The following CDH4 variants were observed in gnomAD, a reference collection of about 807,000 sequenced individuals.
The protein encoded by CDH4 is cadherin 4, also known as cadherin-4.
A neutral mutation model predicts 86.0 loss-of-function variants in CDH4; 33 were observed. The ratio of observed to expected loss-of-function variants is 0.38; its 90% CI spans 0.29 to 0.51. CDH4 has a LOEUF of 0.51. CDH4 is among the 20% of genes least tolerant of loss of function. CDH4 has a pLI of 0.86. For missense variants in CDH4, 1,114 were observed against 1,307.4 expected, an observed-to-expected ratio of 0.85 and a Z score of 2.28; for synonymous variants, 555 against 549.4, an observed-to-expected ratio of 1.01 and a Z score of -0.14.
intron 2 of CDH4, among the ~76,000 whole-genome samples, chr20:61,739,500 G>A (rs533175659): frequency 2.3e-4 from 35 of 152,218 alleles, no homozygotes; most frequent in Middle Eastern, 3.2e-3. Flanking sequence ...TGTGAGGGGA[G>A]GGGTAGGGCA....
chr20:61,431,036 C>T (rs1365256689), intron 2 of CDH4, among the ~76,000 whole-genome samples: 3 of 152,224 alleles, frequency 2.0e-5, no homozygotes, highest in Admixed American at 2.0e-4. Flanking sequence ...GATCCAGAGA[C>T]TGTGTTGCTG....
intron 2 of CDH4, among the ~76,000 whole-genome samples, chr20:61,486,631 C>T (rs949702130): frequency 3.3e-5 from 5 of 152,174 alleles, no homozygotes; most frequent in Non-Finnish European, 5.9e-5. Flanking sequence ...TGGCTCATGC[C>T]TGTAATCCCA....
chr20:61,645,445 A>G (rs971044814), intron 2 of CDH4, among the ~76,000 whole-genome samples: 1 of 152,140 alleles, frequency 6.6e-6, no homozygotes, highest in Non-Finnish European at 1.5e-5. Flanking sequence ...GAGGCAACAC[A>G]GTAAGACTTC....
chr20:61,931,544 G>A (rs1007699853), intron 13 of CDH4, among the ~76,000 whole-genome samples: 5 of 152,222 alleles, frequency 3.3e-5, no homozygotes, highest in Admixed American at 1.3e-4. Flanking sequence ...CACCCTCTGC[G>A]GTACATAAGA....
chr20:61,619,920 C>T (rs1269464086), intron 2 of CDH4, among the ~76,000 whole-genome samples: 1 of 152,194 alleles, frequency 6.6e-6, no homozygotes, highest in East Asian at 1.9e-4. Flanking sequence ...CAGGCACATC[C>T]GAGCCAAGCA....
In CDH4 at chr20:61,928,175, G is replaced by GT. The variant is rs1307217880; in HGVS notation, c.1772-14dup. ...CCAGGAGTGGCCCGTGTGGTGACCT[G>GT]TGTCTGTTCCACAGGGATACCCCCG... On this transcript the variant is annotated splice_polypyrimidine_tract_variant and intron_variant, in intron 11 of 15. Transcript: ENST00000614565. 5.0e-6 allele frequency: 8 copies of GT among 1,594,504 alleles called. No homozygotes were observed. The highest frequency in any genetic ancestry group is 6.8e-6 in the Non-Finnish European group (8 of 1,175,650).
In CDH4 at chr20:61,516,042, C is replaced by A. The variant is rs902893031; in HGVS notation, c.170-227521C>A. ...CTTCCCCTGGGCTCTGGAACGCCCCCCCAATACGATTCCACCGCAGGCAGG... is the reference window on the plus strand; with the variant it reads ...CTTCCCCTGGGCTCTGGAACGCCCCACCAATACGATTCCACCGCAGGCAGG... On this transcript the variant is annotated intron_variant, in intron 2 of 15. Transcript: ENST00000614565. This position sits in a 1 kb window ranked among gnomAD's most constrained non-coding sequence, Gnocchi z 4.0. Among the ~76,000 whole-genome samples the A allele has an allele frequency of 6.6e-6, 1 of 152,144 alleles. No individual in the cohort carries two copies. The highest frequency in any genetic ancestry group is 2.4e-5 in the African/African-American group (1 of 41,422).
intron 2 of CDH4, among the ~76,000 whole-genome samples, chr20:61,666,389 C>T (rs572924640): frequency 1.3e-5 from 2 of 152,338 alleles, no homozygotes; most frequent in South Asian, 4.1e-4. Flanking sequence ...TGCGTCCCTG[C>T]AGCCCGAAGA....
At chr20:61,293,277 G>A (rs1180031541) in intron 2 of CDH4, among the ~76,000 whole-genome samples, 1 of 152,204 alleles carries the variant, frequency 6.6e-6, no homozygotes, top group Non-Finnish European at 1.5e-5. Context: ...GGATGAGGGT[G>A]GATGAGAGTG....
chr20:61,348,841 G>A (rs1391433961), intron 2 of CDH4, among the ~76,000 whole-genome samples: 1 of 152,148 alleles, frequency 6.6e-6, no homozygotes, highest in Non-Finnish European at 1.5e-5. Flanking sequence ...AAGTATGGAA[G>A]AGAAAGCCAT....
chr20:61,315,155 T>C (rs566474382), intron 2 of CDH4, among the ~76,000 whole-genome samples: 113 of 152,272 alleles, frequency 7.4e-4, no homozygotes, highest in Middle Eastern at 3.4e-3. Flanking sequence ...GGGACCGGCC[T>C]CATCCTGAAG....
In CDH4 at chr20:61,329,431, G is replaced by A. The variant is rs74211388; in HGVS notation, c.169+74494G>A. 8.8e-3 allele frequency among the ~76,000 whole-genome samples: 659 copies of A among 74,840 alleles called. 16 individuals are homozygous for A. Among genetic ancestry groups the A allele is most frequent in the Middle Eastern group, 0.028 (4 of 142 alleles). The allele number at this position is 74,840 out of a possible 152,430, so 49.1% of individuals were successfully genotyped here. A position where few individuals can be genotyped will look rare whatever the true frequency, so the allele number is the denominator to read the frequency against. ...TGCAGCGTGCGTGGAGGGCACCCAGGTCCTCATGGTCCCCCGTGGGTCTGG... is the reference window on the plus strand; with the variant it reads ...TGCAGCGTGCGTGGAGGGCACCCAGATCCTCATGGTCCCCCGTGGGTCTGG... On this transcript the variant is annotated intron_variant, in intron 2 of 15. Coordinates refer to ENST00000614565, the MANE Select transcript of CDH4 (RefSeq NM_001794.5).
Position 61,549,649 on chromosome 20 carries a change from C to T in CDH4, c.170-193914C>T, listed in dbSNP as rs904527845. On this transcript the variant is annotated intron_variant, in intron 2 of 15. Coordinates refer to ENST00000614565, the MANE Select transcript of CDH4 (RefSeq NM_001794.5). ...CCATTTCGGGAAAGGACGTCAAGCA[C>T]GTGCTGGGAGACTAAACAGCGAAGC... is the stretch of plus-strand genomic sequence containing the variant. 3.3e-5 allele frequency among the ~76,000 whole-genome samples: 5 copies of T among 152,188 alleles called. No homozygotes were observed. In the South Asian group the frequency reaches 8.3e-4, roughly 25 times the overall value.
intron 2 of CDH4, among the ~76,000 whole-genome samples, chr20:61,406,802 C>G (rs1483131692): frequency 7.0e-6 from 1 of 142,966 alleles, no homozygotes; most frequent in Non-Finnish European, 1.5e-5. Context: ...GTGCTCTGCC[C>G]AGACCACCAT....
At chr20:61,723,924 T>C (rs12479516) in intron 2 of CDH4, among the ~76,000 whole-genome samples, 3,879 of 96,320 alleles carry the variant, frequency 0.04, 81 homozygotes, top group African/African-American at 0.078. Flanking sequence ...AGGCTCCATG[T>C]GGCAGGGGGG....
chr20:61,632,955 C>A (rs1290387964), intron 2 of CDH4, among the ~76,000 whole-genome samples: 1 of 150,650 alleles, frequency 6.6e-6, no homozygotes, highest in Non-Finnish European at 1.5e-5. Context: ...CTTATCCTCC[C>A]ATACAACCAT....
chr20:61,606,220 A>G (rs563086840), intron 2 of CDH4, among the ~76,000 whole-genome samples: 17 of 152,134 alleles, frequency 1.1e-4, no homozygotes, highest in Admixed American at 9.8e-4. Context: ...GGCCAAGCAG[A>G]CAGAGAATGG....
At chr20:61,699,786 C>T (rs1019042693) in intron 2 of CDH4, among the ~76,000 whole-genome samples, 1 of 135,882 alleles carries the variant, frequency 7.4e-6, no homozygotes, top group Non-Finnish European at 1.5e-5. Flanking sequence ...GCTTTCACCG[C>T]TGACCCGGGG....
intron 2 of CDH4, among the ~76,000 whole-genome samples, chr20:61,502,451 C>T (rs557820108): frequency 1.2e-4 from 18 of 152,236 alleles, no homozygotes; most frequent in African/African-American, 4.3e-4. Flanking sequence ...GCCACTGGTT[C>T]AAGAAGTGTT....
Sources: gnomAD v4.1 joint callset for allele counts (sites outside exome capture counted in the v4.1 genomes callset) on GRCh38, gnomAD v4.1.1 for gene constraint, Gnocchi (gnomAD v3.1) non-coding constraint, MANE v1.5 for transcripts, NCBI Gene and HGNC (gene_info 2026-07-23, HGNC 2026-07-21) for gene names.